Variants in DISC1 observed in about 807,000 individuals in gnomAD.
DISC1 encodes the protein disrupted in schizophrenia 1 protein.
Under a neutral mutation model 84.5 loss-of-function variants are expected in DISC1, and 57 were observed. The observed-to-expected ratio is 0.67, with a 90% CI of 0.55 to 0.84. The LOEUF is 0.84. DISC1 is among the 40% of genes least tolerant of loss of function. The pLI is 0.00. For missense variants in DISC1, 1,000 were observed against 1,057.8 expected (o/e 0.95, Z 0.76); for synonymous variants, 411 against 415.2 (o/e 0.99, Z 0.12).
At chr1:231,846,989 T>C (rs2083492339) in intron 9 of DISC1, among the ~76,000 whole-genome samples, 1 of 152,368 alleles carries the variant, frequency 6.6e-6, no homozygotes, top group South Asian at 2.1e-4. Flanking sequence ...GAGAATTTGC[T>C]GTTTTCTCTG....
chr1:231,986,403 C>T (rs938037499), intron 10 of DISC1, among the ~76,000 whole-genome samples: 4 of 152,160 alleles, frequency 2.6e-5, no homozygotes, highest in Non-Finnish European at 5.9e-5. Context: ...TCTCTACTTA[C>T]GTTCCTCATG....
At chr1:231,763,591 T>G (rs200764165) in intron 4 of DISC1, among the ~76,000 whole-genome samples, 76 of 152,222 alleles carry the variant, frequency 5.0e-4, no homozygotes, top group Non-Finnish European at 8.8e-4. Context: ...TGAGGTGACA[T>G]ATTTTCTAGT....
intron 3 of DISC1, among the ~76,000 whole-genome samples, chr1:231,705,712 A>G (rs898977103): frequency 4.6e-5 from 7 of 152,154 alleles, no homozygotes; most frequent in African/African-American, 1.7e-4. Flanking sequence ...AGATTTGAAT[A>G]CAATTTCTTC....
intron 3 of DISC1, among the ~76,000 whole-genome samples, chr1:231,742,572 T>C (rs1258486494): frequency 6.6e-6 from 1 of 151,810 alleles, no homozygotes; most frequent in African/African-American, 2.4e-5. Context: ...CAGGAGTTTG[T>C]GATCAGCCTG....
At chr1:231,910,721 G>A (rs2089131037) in intron 9 of DISC1, among the ~76,000 whole-genome samples, 2 of 152,122 alleles carry the variant, frequency 1.3e-5, no homozygotes, top group Non-Finnish European at 2.9e-5. Context: ...TTTAAGTCCT[G>A]GATATCCTTG....
intron 1 of DISC1, among the ~76,000 whole-genome samples, chr1:231,662,830 T>C (rs756498929): frequency 6.6e-6 from 1 of 151,988 alleles, no homozygotes; most frequent in Non-Finnish European, 1.5e-5. Context: ...GAGAAAGGCA[T>C]CAAAATGTGC....
At chr1:231,726,958 C>T (rs1486246989) in intron 3 of DISC1, among the ~76,000 whole-genome samples, 1 of 152,154 alleles carries the variant, frequency 6.6e-6, no homozygotes, top group African/African-American at 2.4e-5. Flanking sequence ...CAGGATTATT[C>T]ATTAAGAGAG....
intron 6 of DISC1, among the ~76,000 whole-genome samples, chr1:231,779,762 T>C (rs2077253444): frequency 6.6e-6 from 1 of 151,904 alleles, no homozygotes; most frequent in African/African-American, 2.4e-5. Context: ...GGTTTCACCG[T>C]GTTAGCCAGG....
intron 6 of DISC1, chr1:231,774,633 C>G (rs1264818367): frequency 4.4e-6 from 2 of 452,720 alleles, no homozygotes; most frequent in Non-Finnish European, 8.9e-6. Flanking sequence ...CTTTCTTCCA[C>G]CGTAGGGAGG....
At chr1:231,818,131 C>T (rs995106988) in intron 8 of DISC1, among the ~76,000 whole-genome samples, 198 bp from the exon 9 acceptor site, 9 of 152,190 alleles carry the variant, frequency 5.9e-5, no homozygotes, top group African/African-American at 1.2e-4. Context: ...ATAAAAAAGA[C>T]GGTGATTTTT....
At chr1:231,969,420 A>C (rs932777404) in intron 10 of DISC1, among the ~76,000 whole-genome samples, 1 of 151,776 alleles carries the variant, frequency 6.6e-6, no homozygotes, top group African/African-American at 2.4e-5. Flanking sequence ...ACAGAGCTCA[A>C]AGTTCCCAGG....
chr1:232,008,491 A>G (rs1667741981), intron 10 of DISC1, among the ~76,000 whole-genome samples: 1 of 152,152 alleles, frequency 6.6e-6, no homozygotes, highest in South Asian at 2.1e-4. Flanking sequence ...CTGGTAACAC[A>G]TATATGAGCA....
At position 231,693,861 on chromosome 1, in the gene DISC1, C is replaced by T. The variant is rs368750072; in HGVS notation, c.103C>T (p.Arg35Trp). 2.4e-5 allele frequency: 39 copies of T among 1,613,858 alleles called. No individual in the cohort carries two copies. Among genetic ancestry groups the T allele is most frequent in the South Asian group, 1.3e-4 (12 of 91,084 alleles). ...RDCLPPAACFRRRRLARRPGY... is the reference protein window; with the variant it reads ...RDCLPPAACFWRRRLARRPGY... ...TTGCTTACCACCTGCAGCGTGCTTT[C>T]GGAGGCGGCGGCTGGCACGGAGGCC... The change falls in exon 2 of 13, where the codon CGG (arginine) becomes TGG (tryptophan). Residue 35 changes from arginine to tryptophan, a missense_variant. This residue lies in a region of DISC1 where 292 missense variants were observed against 280.2 expected (regional missense o/e 1.04). Coordinates refer to ENST00000439617, the MANE Select transcript of DISC1 (RefSeq NM_018662.3).
intron 6 of DISC1, among the ~76,000 whole-genome samples, chr1:231,784,186 C>A (rs1475681205): frequency 2.0e-5 from 3 of 151,856 alleles, no homozygotes; most frequent in African/African-American, 7.3e-5. Flanking sequence ...TCGCTTGAAC[C>A]CGGGAGGCAG....
chr1:231,646,915 G>GT (rs1229087740), intron 1 of DISC1, among the ~76,000 whole-genome samples: 3 of 151,996 alleles, frequency 2.0e-5, no homozygotes, highest in African/African-American at 2.4e-5. Flanking sequence ...TTGTTTATTT[G>GT]TTTTTTCTTG....
At chr1:231,854,724 T>G (rs1464981334) in intron 9 of DISC1, 1 of 170,978 alleles carries the variant, frequency 5.8e-6, no homozygotes, top group African/African-American at 2.4e-5. Flanking sequence ...AATTCTTTTT[T>G]TTTTTTTTTT....
intron 1 of DISC1, among the ~76,000 whole-genome samples, chr1:231,689,037 A>G (rs1558333926): frequency 6.6e-6 from 1 of 152,186 alleles, no homozygotes; most frequent in African/African-American, 2.4e-5. Context: ...ATTAATCCAG[A>G]GGGATATATT....
At chr1:232,014,081 C>T (rs1416229577) in intron 11 of DISC1, among the ~76,000 whole-genome samples, 2 of 152,106 alleles carry the variant, frequency 1.3e-5, no homozygotes. Context: ...TTCCTTTTTA[C>T]TCAATTTCAC....
chr1:231,690,562 G>A (rs1426535233), intron 1 of DISC1, among the ~76,000 whole-genome samples: 1 of 152,220 alleles, frequency 6.6e-6, no homozygotes, highest in Non-Finnish European at 1.5e-5. Context: ...AGGTCTGAAT[G>A]CATCCTAATC....
Sources: gnomAD v4.1 joint callset for allele counts (sites outside exome capture counted in the v4.1 genomes callset) on GRCh38, gnomAD v4.1.1 for gene constraint, gnomAD v4.1.1 regional missense constraint, MANE v1.5 for transcripts, NCBI Gene and HGNC (gene_info 2026-07-23, HGNC 2026-07-21) for gene names.